Variants in BLTP1 observed in about 807,000 individuals in gnomAD.
The protein encoded by BLTP1 is fragile site-associated protein.
chr4:122,249,706 G>C, the BLTP1 span: 5 of 1,612,654 alleles, frequency 3.1e-6, no homozygotes, highest in Non-Finnish European at 4.2e-6. Flanking sequence ...ATTGAATTCT[G>C]CTTAAGGTGG....
the BLTP1 span, chr4:122,341,864 G>A: frequency 1.0e-6 from 1 of 971,734 alleles, no homozygotes; most frequent in Non-Finnish European, 1.2e-6. Flanking sequence ...CGTGAAGTAA[G>A]TATGGGTTAG....
At chr4:122,335,726 T>G in the BLTP1 span, among the ~76,000 whole-genome samples, 2 of 152,098 alleles carry the variant, frequency 1.3e-5, no homozygotes, top group Admixed American at 1.3e-4. Flanking sequence ...GTCTTAGATG[T>G]TTTACTCATT....
At chr4:122,219,256 A>T in the BLTP1 span, 1 of 1,536,376 alleles carries the variant, frequency 6.5e-7, no homozygotes, top group South Asian at 1.3e-5. Flanking sequence ...AAGGAAATGC[A>T]TAATTTACAA....
At chr4:122,199,991 A>G in the BLTP1 span, 1 of 975,056 alleles carries the variant, frequency 1.0e-6, no homozygotes, top group African/African-American at 1.7e-5. Context: ...TATTATTACT[A>G]TCAGGGACAA....
At chr4:122,209,006 A>T in the BLTP1 span, 28 of 550,288 alleles carry the variant, frequency 5.1e-5, no homozygotes, top group Non-Finnish European at 6.2e-5. Flanking sequence ...AAAAAAAAAG[A>T]TAAATAATAC....
the BLTP1 span, chr4:122,238,225 C>CAGT: frequency 6.2e-7 from 1 of 1,613,678 alleles, no homozygotes; most frequent in Middle Eastern, 1.7e-4. Flanking sequence ...CAGAAGAGAA[C>CAGT]AGTAGTTCTA....
At chr4:122,319,059 G>T in the BLTP1 span, among the ~76,000 whole-genome samples, 1 of 152,012 alleles carries the variant, frequency 6.6e-6, no homozygotes, top group Non-Finnish European at 1.5e-5. Context: ...TAGCCATAGG[G>T]TCTGTTGTTG....
At chr4:122,187,745 C>A in the BLTP1 span, 3 of 943,644 alleles carry the variant, frequency 3.2e-6, no homozygotes, top group East Asian at 2.9e-5. Context: ...TTTAAATTGA[C>A]CAGTGGAATA....
At chr4:122,191,707 A>C in the BLTP1 span, among the ~76,000 whole-genome samples, 1 of 152,140 alleles carries the variant, frequency 6.6e-6, no homozygotes, top group Non-Finnish European at 1.5e-5. Flanking sequence ...GAAGAGTATT[A>C]AAAATTATCT....
At chr4:122,186,825 T>C in the BLTP1 span, among the ~76,000 whole-genome samples, 3 of 152,056 alleles carry the variant, frequency 2.0e-5, no homozygotes, top group Non-Finnish European at 4.4e-5. Context: ...TAGCCACACC[T>C]ATTTATTTAT....
At chr4:122,342,514 C>G in the BLTP1 span, among the ~76,000 whole-genome samples, 12 of 152,044 alleles carry the variant, frequency 7.9e-5, no homozygotes, top group Non-Finnish European at 1.3e-4. Flanking sequence ...TGCCACCACG[C>G]CCGGCTAGTT....
chr4:122,325,198 T>C, the BLTP1 span: 2 of 1,561,168 alleles, frequency 1.3e-6, no homozygotes, highest in Non-Finnish European at 1.7e-6. Context: ...AATGAGAATA[T>C]TGGTGTTTTA....
the BLTP1 span, chr4:122,281,388 AGAAAGTCTGAATAT>A: frequency 7.6e-7 from 1 of 1,309,908 alleles, no homozygotes; most frequent in Admixed American, 3.9e-5. Context: ...CAGGTGTTTT[AGAAAGTCTGAATAT>A]GATCTGATAT....
chr4:122,224,181 T>C, the BLTP1 span: 2 of 710,404 alleles, frequency 2.8e-6, no homozygotes, highest in Non-Finnish European at 1.7e-6. Context: ...ACTGGTCTCT[T>C]GTATTCCCTG....
chr4:122,334,023 C>T, the BLTP1 span, among the ~76,000 whole-genome samples: 1 of 151,988 alleles, frequency 6.6e-6, no homozygotes, highest in African/African-American at 2.4e-5. Flanking sequence ...GAAAGAAGTT[C>T]GGTTTTTTAA....
the BLTP1 span, chr4:122,256,025 TCA>T: frequency 1.0e-6 from 1 of 979,058 alleles, no homozygotes; most frequent in South Asian, 4.7e-5. Context: ...GAATATACAA[TCA>T]CACAAAATAA....
the BLTP1 span, chr4:122,254,700 A>G: frequency 8.0e-7 from 1 of 1,248,950 alleles, no homozygotes; most frequent in Non-Finnish European, 1.0e-6. Flanking sequence ...AAAAGAAATT[A>G]ATTTTGCCTG....
At chr4:122,333,857 T>C in the BLTP1 span, 8 of 1,563,428 alleles carry the variant, frequency 5.1e-6, no homozygotes, top group African/African-American at 1.1e-4. Context: ...TTGGTAGCAA[T>C]GTTTATTTTC....
At chr4:122,244,642 G>T in the BLTP1 span, 16 of 982,936 alleles carry the variant, frequency 1.6e-5, no homozygotes, top group Non-Finnish European at 1.8e-5. Flanking sequence ...AAAGGGGTTC[G>T]GTGGAAACGA....
Sources: allele counts gnomAD v4.1 joint callset (sites outside exome capture counted in the v4.1 genomes callset), GRCh38; gene constraint gnomAD v4.1.1; transcripts MANE v1.5; gene names NCBI Gene and HGNC (gene_info 2026-07-23, HGNC 2026-07-21).